SIAE: variants seen among roughly 807,000 people sequenced by gnomAD.
SIAE encodes sialic acid acetylesterase.
SIAE carries 39 observed loss-of-function variants against 52.6 expected under a neutral mutation model. The ratio of observed to expected loss-of-function variants is 0.74; its 90% confidence interval spans 0.57 to 0.97. The LOEUF (loss-of-function observed/expected upper bound fraction) is 0.97. Among genes scored for constraint, SIAE ranks in the 50% least tolerant of loss-of-function variants. SIAE has a pLI of 0.00. For missense variants in SIAE, 592 were observed against 662.1 expected, an observed-to-expected ratio of 0.89 and a Z score of 1.16; for synonymous variants, 233 against 241.4, an observed-to-expected ratio of 0.97 and a Z score of 0.32.
Position 124,636,398 on chromosome 11 carries a change from G to A in SIAE, c.*553C>T, listed in dbSNP as rs1185676157. ...TTCCACATAAGGAAAAACTTGGAAA[G>A]TTTTGAATGGAAAGTTCATAGAGAG... On this transcript the variant is annotated 3_prime_UTR_variant, in exon 10 of 10. Transcript: ENST00000263593. The A allele has an allele frequency of 6.4e-6, 1 of 157,330 alleles. No individual in the cohort carries two copies. Among genetic ancestry groups the A allele is most frequent in the Non-Finnish European group, 1.4e-5 (1 of 70,738 alleles). The allele number at this position is 157,330 out of a possible 1,614,324, so 9.7% of individuals were successfully genotyped here.
In SIAE at chr11:124,670,494, T is replaced by G. The variant is rs1435846208; in HGVS notation, c.68-973A>C. 6.6e-6 allele frequency among the ~76,000 whole-genome samples: 1 copy of G among 152,232 alleles called. No individual in the cohort carries two copies. Among genetic ancestry groups the G allele is most frequent in the East Asian group, 1.9e-4 (1 of 5,202 alleles). On this transcript the variant is annotated intron_variant, in intron 1 of 9. Transcript: ENST00000263593. This position sits in a 1 kb window ranked among gnomAD's most constrained non-coding sequence, Gnocchi z 4.5. ...AAAACAAATTATATCCCAATTTATCTGAATAAAACAGACCCCAAACTACCT... is the reference window on the plus strand; with the variant it reads ...AAAACAAATTATATCCCAATTTATCGGAATAAAACAGACCCCAAACTACCT...
At chr11:124,675,585 C>T, upstream of SIAE, 1 of 627,464 alleles carries the variant, frequency 1.6e-6, no homozygotes. Context: ...TTGATATGTT[C>T]TCTTAAATTC....
In SIAE at chr11:124,637,181, G is replaced by A. The variant is rs766694488; in HGVS notation, c.1342C>T (p.Arg448Ter). ...IFEISCCSDHRCKWLPASMNT... is the reference protein window; with the variant it reads ...IFEISCCSDH ...ATAGAAGCTGGAAGCCACTTGCATC[G>A]ATGGTCACTGCAACAGGAGATCTAA... is the stretch of plus-strand genomic sequence containing the variant. The change falls in exon 10 of 10, where the codon CGA becomes TGA. Residue 448 changes from arginine to a stop codon, truncating the protein, a stop_gained. Coordinates refer to ENST00000263593, the MANE Select transcript of SIAE (RefSeq NM_170601.5). LOFTEE classifies it low-confidence loss of function (END_TRUNC). 17 of 1,614,170 alleles carry A rather than the reference G, an allele frequency of 1.1e-5. No individual in the cohort carries two copies. Among genetic ancestry groups the A allele is most frequent in the East Asian group, 2.2e-5 (1 of 44,880 alleles).
rs754747569 is a variant in SIAE, at chr11:124,645,012, TTCCATGGA to T, written c.966+2345_966+2352del. Among the ~76,000 whole-genome samples, 47 of 152,170 alleles carry T rather than the reference TTCCATGGA, an allele frequency of 3.1e-4. No homozygotes were observed. The highest frequency in any genetic ancestry group is 5.1e-4 in the Non-Finnish European group (35 of 68,036). On this transcript the variant is annotated intron_variant, in intron 7 of 9. Transcript: ENST00000263593. The surrounding 1 kb of genome is among the most constrained non-coding windows in gnomAD (Gnocchi z 4.7). ...AACATTATCTGGTATGTTCCCGGCTTTCCATGGATGAACTCATTCAATATTTAAAATAA... is the reference window on the plus strand; with the variant it reads ...AACATTATCTGGTATGTTCCCGGCTTTGAACTCATTCAATATTTAAAATAA...
intron 3 of SIAE, among the ~76,000 whole-genome samples, chr11:124,657,521 C>A (rs1465037842): frequency 6.6e-6 from 1 of 152,244 alleles, no homozygotes; most frequent in Admixed American, 6.5e-5. Context: ...AGAGAACATG[C>A]TACTTGTCTT....
chr11:124,668,471 G>A lies in SIAE; in HGVS notation c.229+889C>T, dbSNP rs562804570. Among the ~76,000 whole-genome samples, 4 of 152,300 alleles carry A rather than the reference G, an allele frequency of 2.6e-5. No homozygotes were observed. The East Asian group carries it at 7.7e-4, about 29-fold the overall frequency. ...TACCTAGCACAGTATCGGGCACATA[G>A]TAGGCTCTCAATAGATATTTGAATG... On this transcript the variant is annotated intron_variant, in intron 2 of 9. Transcript: ENST00000263593.
At chr11:124,666,562 T>G (rs1943275926) in intron 2 of SIAE, among the ~76,000 whole-genome samples, 1 of 152,210 alleles carries the variant, frequency 6.6e-6, no homozygotes, top group African/African-American at 2.4e-5. Flanking sequence ...CCACCACCAA[T>G]AACATCAACC....
rs1248106955 is a variant in SIAE at position 124,645,181 on chromosome 11, T to C, written c.966+2184A>G. Among the ~76,000 whole-genome samples the C allele has an allele frequency of 6.6e-6, 1 of 152,246 alleles. No individual in the cohort carries two copies. Among genetic ancestry groups the C allele is most frequent in the Non-Finnish European group, 1.5e-5 (1 of 68,048 alleles). ...CTGGGTATTTCCCTTTGAAGGGATA[T>C]GTTTATATTTCCAGACTTCCACTAG... is the stretch of plus-strand genomic sequence containing the variant. On this transcript the variant is annotated intron_variant, in intron 7 of 9. Coordinates refer to ENST00000263593, the MANE Select transcript of SIAE (RefSeq NM_170601.5). The surrounding 1 kb of genome is among the most constrained non-coding windows in gnomAD (Gnocchi z 4.7).
chr11:124,641,697 G>A (rs182340632), intron 7 of SIAE, among the ~76,000 whole-genome samples: 1 of 152,212 alleles, frequency 6.6e-6, no homozygotes, highest in African/African-American at 2.4e-5. Context: ...GGTGGCTCAC[G>A]CTTATAATCC....
At chr11:124,665,782 G>A (rs1943264225) in intron 2 of SIAE, among the ~76,000 whole-genome samples, 1 of 152,066 alleles carries the variant, frequency 6.6e-6, no homozygotes, top group South Asian at 2.1e-4. Context: ...TCACACCTCT[G>A]CACTCCAGCC....
chr11:124,669,894 T>C (rs941981600), intron 1 of SIAE, among the ~76,000 whole-genome samples: 1 of 152,188 alleles, frequency 6.6e-6, no homozygotes, highest in East Asian at 1.9e-4. Context: ...CTATAGATGG[T>C]GTTTATGAGA....
chr11:124,666,090 G>C (rs750746809), intron 2 of SIAE, among the ~76,000 whole-genome samples: 2 of 152,102 alleles, frequency 1.3e-5, no homozygotes, highest in African/African-American at 2.4e-5. Flanking sequence ...TGACAACATC[G>C]TTTGAACCAA....
chr11:124,647,542 A>G lies in SIAE; in HGVS notation c.833-44T>C, dbSNP rs1007021551. On this transcript the variant is annotated intron_variant, in intron 6 of 9. Transcript: ENST00000263593. ...GTAAAGGGAGTTTGGAGTAGACTGC[A>G]AAAATGACCACACATTACTCTCCTC... The G allele has an allele frequency of 1.9e-6, 3 of 1,610,050 alleles. No homozygotes were observed. The African/African-American group carries it at 4.0e-5, about 22-fold the overall frequency.
intron 5 of SIAE, among the ~76,000 whole-genome samples, chr11:124,648,795 G>A (rs781590694): frequency 3.9e-5 from 6 of 152,222 alleles, no homozygotes; most frequent in Non-Finnish European, 7.4e-5. Context: ...CACCCCCAGA[G>A]ATCTGGTCTA....
chr11:124,644,374 A>C (rs1363032036), intron 7 of SIAE, among the ~76,000 whole-genome samples: 1 of 150,836 alleles, frequency 6.6e-6, no homozygotes, highest in East Asian at 1.9e-4. Flanking sequence ...AAAAAAAAAA[A>C]CTAGCCTGAA....
chr11:124,637,429 A>G (rs575993739), intron 9 of SIAE, among the ~76,000 whole-genome samples: 1 of 152,330 alleles, frequency 6.6e-6, no homozygotes, highest in East Asian at 1.9e-4. Context: ...TAATAAATAA[A>G]ACATTTACTG....
chr11:124,636,899 T>TA lies in SIAE; in HGVS notation c.*51dup, dbSNP rs1293321736. 7 of 1,613,060 alleles carry TA rather than the reference T, an allele frequency of 4.3e-6. No homozygotes were observed. The East Asian group carries it at 1.6e-4, about 36-fold the overall frequency. On this transcript the variant is annotated 3_prime_UTR_variant, in exon 10 of 10. Transcript: ENST00000263593. Reference sequence around the variant, plus strand: ...GGTTATTATTGAAACTCCTAAATGCTAAAATCTGAAGGACCCATCCTTATA... The same window carrying TA: ...GGTTATTATTGAAACTCCTAAATGCTAAAAATCTGAAGGACCCATCCTTATA...
rs145695338 is a variant in SIAE, at chr11:124,639,834, C to T, written c.1000G>A (p.Asp334Asn). Residue 334 changes from aspartate (D) to asparagine (N), a missense_variant, in exon 8 of 10, where the codon GAT becomes AAT. Transcript: ENST00000263593. The stretch of plus-strand genomic sequence containing the variant: ...TGCCAACGGATCTGGGGAAATCCAT[C>T]GTCTGAGCTCTTCTTAGACAAATCT... ...SSDLSKKSSD[D>N]GFPQIRWHQT... 8.1e-6 allele frequency: 13 copies of T among 1,614,084 alleles called. No homozygotes were observed. The highest frequency in any genetic ancestry group is 6.7e-5 in the Admixed American group (4 of 60,010).
intron 1 of SIAE, among the ~76,000 whole-genome samples, chr11:124,671,686 G>C (rs552107128): frequency 4.6e-5 from 7 of 152,326 alleles, no homozygotes; most frequent in African/African-American, 1.7e-4. Context: ...AAAAAAGAGA[G>C]AGAGAATGAG....
Sources: allele counts gnomAD v4.1 joint callset (sites outside exome capture counted in the v4.1 genomes callset), GRCh38; gene constraint gnomAD v4.1.1; non-coding constraint Gnocchi (gnomAD v3.1); transcripts MANE v1.5; gene names NCBI Gene and HGNC (gene_info 2026-07-23, HGNC 2026-07-21).